The following CACNA1E variants were observed in gnomAD, a reference collection of about 807,000 sequenced individuals.
CACNA1E encodes the protein calcium voltage-gated channel subunit alpha1 E.
A neutral mutation model predicts 259.2 loss-of-function variants in CACNA1E; 40 were observed. That is an observed-to-expected ratio of 0.15 (90% CI 0.12 to 0.20). The LOEUF (loss-of-function observed/expected upper bound fraction) is 0.20. Among genes scored for constraint, CACNA1E ranks in the 10% least tolerant of loss-of-function variants. The probability of loss-of-function intolerance (pLI) is 1.00; values close to 1 mark genes in which losing one functional copy is unlikely to be tolerated. For synonymous variants in CACNA1E, 1,104 were observed against 1,138.5 expected, an observed-to-expected ratio of 0.97 and a Z score of 0.61; for missense variants, 1,874 against 3,040.1, an observed-to-expected ratio of 0.62 and a Z score of 9.02.
chr1:181,367,332 T>C (rs1654354923), intron 1 of CACNA1E, among the ~76,000 whole-genome samples: 2 of 152,044 alleles, frequency 1.3e-5, no homozygotes, highest in Non-Finnish European at 2.9e-5. Flanking sequence ...ACTAATTTTT[T>C]TTTTTCCTGT....
At chr1:181,718,716 T>G (rs556556776) in intron 12 of CACNA1E, among the ~76,000 whole-genome samples, 1 of 152,062 alleles carries the variant, frequency 6.6e-6, no homozygotes, top group African/African-American at 2.4e-5. Context: ...AGCTGTTTAC[T>G]TTCTACATAG....
chr1:181,705,589 A>G (rs1652716252), intron 7 of CACNA1E, among the ~76,000 whole-genome samples: 1 of 152,220 alleles, frequency 6.6e-6, no homozygotes, highest in South Asian at 2.1e-4. Context: ...CCTGTATGCA[A>G]GAGCCGTATG....
At chr1:181,551,027 G>A (rs1201396636) in intron 3 of CACNA1E, among the ~76,000 whole-genome samples, 2 of 152,214 alleles carry the variant, frequency 1.3e-5, no homozygotes, top group Non-Finnish European at 2.9e-5. Flanking sequence ...GGCTTTTGGA[G>A]GGGTGGGGAA....
rs775585358 is a variant in CACNA1E at position 181,555,173 on chromosome 1, T to TC, written c.513-22588dup. 9.2e-5 allele frequency among the ~76,000 whole-genome samples: 14 copies of TC among 152,220 alleles called. No individual in the cohort carries two copies. In the South Asian group the frequency reaches 1.0e-3, roughly 11 times the overall value. ...GTTTCACTTTTAACAGAATTTATCC[T>TC]CCCCCTTTTAGATTTTTAAAAAATA... is the stretch of plus-strand genomic sequence containing the variant. On this transcript the variant is annotated intron_variant, in intron 3 of 47. Coordinates refer to ENST00000367573, the MANE Select transcript of CACNA1E (RefSeq NM_001205293.3).
At chr1:181,577,925 C>A in intron 4 of CACNA1E, 56 bp downstream of exon 4, 1 of 1,166,694 alleles carries the variant, frequency 8.6e-7, no homozygotes, top group Non-Finnish European at 1.3e-6. Context: ...GTGTCCTCAG[C>A]TGGATCCAGG....
chr1:181,737,621 G>A lies in CACNA1E; in HGVS notation c.3519G>A (p.Glu1173=), dbSNP rs769096555. ...IAASSIALAA[E]DPVLTNSERN... is the part of the protein sequence containing the mutation. ...CCAGCAGCATCGCCCTGGCGGCAGA[G>A]GACCCCGTCCTGACCAACTCGGAGC... The change falls in exon 23 of 48, where the codon GAG becomes GAA. Residue 1173 remains glutamate (E), a synonymous_variant. Transcript: ENST00000367573. The A allele has an allele frequency of 1.2e-6, 2 of 1,614,054 alleles. No homozygotes were observed. Among genetic ancestry groups the A allele is most frequent in the Non-Finnish European group, 1.7e-6 (2 of 1,179,904 alleles).
intron 2 of CACNA1E, among the ~76,000 whole-genome samples, chr1:181,448,113 C>T (rs565790001): frequency 1.3e-5 from 2 of 152,340 alleles, no homozygotes; most frequent in South Asian, 2.1e-4. Flanking sequence ...CCGTAATTTA[C>T]AGGTTCTGGG....
At chr1:181,793,075 G>T (rs1210792715) in intron 44 of CACNA1E, among the ~76,000 whole-genome samples, 1 of 152,176 alleles carries the variant, frequency 6.6e-6, no homozygotes, top group Admixed American at 6.5e-5. Context: ...TGGTTACTTG[G>T]ACATTTAAAA....
intron 6 of CACNA1E, among the ~76,000 whole-genome samples, chr1:181,593,091 C>T (rs1454956679): frequency 6.6e-6 from 1 of 152,160 alleles, no homozygotes; most frequent in Non-Finnish European, 1.5e-5. Flanking sequence ...CCTGCTGTTT[C>T]TACCTTGAAA....
At chr1:181,713,864 A>G (rs543752791) in intron 8 of CACNA1E, among the ~76,000 whole-genome samples, 1 of 152,324 alleles carries the variant, frequency 6.6e-6, no homozygotes, top group African/African-American at 2.4e-5. Flanking sequence ...GTCTTAGTAG[A>G]AAATATTCCC....
intron 38 of CACNA1E, among the ~76,000 whole-genome samples, chr1:181,778,045 G>A (rs1572873156): frequency 6.6e-6 from 1 of 152,230 alleles, no homozygotes; most frequent in Admixed American, 6.5e-5. Context: ...ATTCCATGAG[G>A]ATGAATCATG....
intron 3 of CACNA1E, among the ~76,000 whole-genome samples, chr1:181,525,484 C>T (rs1269262668): frequency 2.6e-5 from 4 of 152,242 alleles, no homozygotes; most frequent in Admixed American, 1.3e-4. Context: ...TTGTCCTCTT[C>T]AAGATAGCAA....
chr1:181,699,781 G>C (rs994856716), intron 7 of CACNA1E, among the ~76,000 whole-genome samples: 3 of 152,140 alleles, frequency 2.0e-5, no homozygotes, highest in African/African-American at 4.8e-5. Context: ...ATTGCTTATG[G>C]ATTGGGCTGA....
chr1:181,412,597 G>A (rs1223520670), intron 1 of CACNA1E, among the ~76,000 whole-genome samples: 1 of 151,736 alleles, frequency 6.6e-6, no homozygotes, highest in Admixed American at 6.6e-5. Context: ...CTTGTGGCTT[G>A]GTGCCCCCAG....
chr1:181,475,279 G>A (rs143901873), intron 2 of CACNA1E, among the ~76,000 whole-genome samples: 68 of 152,360 alleles, frequency 4.5e-4, no homozygotes, highest in Non-Finnish European at 7.2e-4. Context: ...CACCATAGTT[G>A]AGGAGACAAG....
chr1:181,800,065 A>AGAT lies in CACNA1E; in HGVS notation c.*1232_*1234dup. On this transcript the variant is annotated 3_prime_UTR_variant, in exon 48 of 48. Coordinates refer to ENST00000367573, the MANE Select transcript of CACNA1E (RefSeq NM_001205293.3). ...TTCTGTAAAGATGGGAAAGGCTGAT[A>AGAT]GATTGAAATAAGCTTCTGTGAAAGT... 6.5e-6 allele frequency: 1 copy of AGAT among 152,828 alleles called. No individual in the cohort carries two copies. Among genetic ancestry groups the AGAT allele is most frequent in the South Asian group, 2.1e-4 (1 of 4,824 alleles). The allele number at this position is 152,828 out of a possible 1,614,324, so 9.5% of individuals were successfully genotyped here.
At chr1:181,571,200 G>T (rs10910965) in intron 3 of CACNA1E, among the ~76,000 whole-genome samples, 66,117 of 152,006 alleles carry the variant, frequency 0.43, 15,576 homozygotes, top group East Asian at 0.66. Flanking sequence ...GCTCAGAGTG[G>T]CAATTTCAAA....
At position 181,413,962 on chromosome 1, in the gene CACNA1E, G is replaced by C. The variant is rs543400279; in HGVS notation, c.434+382G>C. Among the ~76,000 whole-genome samples, 70 of 152,308 alleles carry C rather than the reference G, an allele frequency of 4.6e-4. 2 individuals are homozygous for C. The South Asian group carries it at 0.015, about 32-fold the overall frequency. On this transcript the variant is annotated intron_variant, in intron 2 of 11. Transcript: ENST00000524607. ...ATCATCTATTTCATCTTTACTTCAG[G>C]AACTGCAGCTAACCCTGCCTTTTTA...
In CACNA1E at chr1:181,724,239, TC is replaced by T. The variant is rs536966958; in HGVS notation, c.2075-229del. On this transcript the variant is annotated intron_variant, in intron 16 of 47. Transcript: ENST00000367573. The stretch of plus-strand genomic sequence containing the variant: ...ATGGTTTGATTCAAGTATTTCTTTA[TC>T]CTGGGTAAAGAGATGATATGCAGAA... 2.6e-3 allele frequency among the ~76,000 whole-genome samples: 392 copies of T among 152,338 alleles called. 2 individuals carry two copies. The highest frequency in any genetic ancestry group is 9.3e-3 in the African/African-American group (385 of 41,578).
Sources: allele counts gnomAD v4.1 joint callset (sites outside exome capture counted in the v4.1 genomes callset), GRCh38; gene constraint gnomAD v4.1.1; transcripts MANE v1.5; gene names NCBI Gene and HGNC (gene_info 2026-07-23, HGNC 2026-07-21).